Variants in CPPED1 observed in about 807,000 individuals in gnomAD.
The protein encoded by CPPED1 is serine/threonine-protein phosphatase CPPED1.
CPPED1 carries 28 observed loss-of-function variants against 28.0 expected under a neutral mutation model. The ratio of observed to expected loss-of-function variants is 1.00; its 90% CI spans 0.74 to 1.37. CPPED1 has a LOEUF of 1.37. Among genes scored for constraint, CPPED1 ranks in the 40% most tolerant of loss-of-function variants. The probability of loss-of-function intolerance (pLI) is 0.00; values close to 1 mark genes in which losing one functional copy is unlikely to be tolerated. For synonymous variants in CPPED1, 198 were observed against 180.2 expected (o/e 1.10, Z -0.79); for missense variants, 504 against 416.5 (o/e 1.21, Z -1.83).
At chr16:12,676,512 G>A (rs796503677) in intron 3 of CPPED1, among the ~76,000 whole-genome samples, 16 of 152,288 alleles carry the variant, frequency 1.1e-4, no homozygotes, top group African/African-American at 3.1e-4. Context: ...GGAATGAGGC[G>A]AGGACAGGTT....
chr16:12,738,996 A>G (rs188022548), intron 2 of CPPED1, among the ~76,000 whole-genome samples: 170 of 152,302 alleles, frequency 1.1e-3, no homozygotes, highest in Non-Finnish European at 2.1e-3. Flanking sequence ...GGTTAGCACC[A>G]CACGGTGAAG....
chr16:12,763,296 T>G (rs1194080783), intron 2 of CPPED1, among the ~76,000 whole-genome samples: 1 of 151,492 alleles, frequency 6.6e-6, no homozygotes, highest in Non-Finnish European at 1.5e-5. Context: ...ACTCCTGCGT[T>G]CAGGCTATCC....
Position 12,682,626 on chromosome 16 carries a change from G to A in CPPED1, c.716-17511C>T, listed in dbSNP as rs1409440738. 2.0e-5 allele frequency among the ~76,000 whole-genome samples: 3 copies of A among 152,156 alleles called. No homozygotes were observed. The highest frequency in any genetic ancestry group is 2.1e-4 in the South Asian group (1 of 4,826). ...AAGACTAGTATCAACCATCCCCAGGGCCACTGGGAAGATAAGTGAGAATCA... is the reference window on the plus strand; with the variant it reads ...AAGACTAGTATCAACCATCCCCAGGACCACTGGGAAGATAAGTGAGAATCA... On this transcript the variant is annotated intron_variant, in intron 3 of 3. Transcript: ENST00000381774. The surrounding 1 kb of genome is among the most constrained non-coding windows in gnomAD (Gnocchi z 6.1).
chr16:12,770,899 G>C (rs2080466656), intron 2 of CPPED1, among the ~76,000 whole-genome samples: 1 of 151,344 alleles, frequency 6.6e-6, no homozygotes, highest in African/African-American at 2.4e-5. Flanking sequence ...GGGAGGGGCG[G>C]GGCGGGGCTG....
chr16:12,781,140 A>C (rs1226517683), intron 2 of CPPED1, 45 bp downstream of exon 2: 8 of 1,554,302 alleles, frequency 5.1e-6, no homozygotes, highest in Middle Eastern at 1.7e-4. Flanking sequence ...TGCAGTCATG[A>C]CCGGCTGAAG....
At chr16:12,762,924 AT>A (rs1305188846) in intron 2 of CPPED1, among the ~76,000 whole-genome samples, 3 of 151,714 alleles carry the variant, frequency 2.0e-5, no homozygotes, top group Admixed American at 6.6e-5. Context: ...AAAAAAAAAA[AT>A]TTTTGTAGAA....
intron 3 of CPPED1, among the ~76,000 whole-genome samples, chr16:12,666,700 A>G (rs1013508349): frequency 1.8e-4 from 27 of 152,214 alleles, no homozygotes; most frequent in African/African-American, 6.5e-4. Flanking sequence ...GAGATACAAG[A>G]GCTGCCAACA....
rs2049072692 is a variant in CPPED1 at position 12,702,184 on chromosome 16, G to A, written c.715+2440C>T. On this transcript the variant is annotated intron_variant, in intron 3 of 3. Transcript: ENST00000381774. Reference sequence around the variant, plus strand: ...GGGTTGCAGATCTGAGTGGGCAGGGGGCTGGGGCATCATGGATATGATGCC... The same window carrying A: ...GGGTTGCAGATCTGAGTGGGCAGGGAGCTGGGGCATCATGGATATGATGCC... Among the ~76,000 whole-genome samples the A allele has an allele frequency of 2.0e-5, 3 of 152,238 alleles. No individual in the cohort carries two copies. In the South Asian group the frequency reaches 6.2e-4, roughly 32 times the overall value.
rs767007473 is a variant in CPPED1, at chr16:12,781,337, A to G, written c.137T>C (p.Ile46Thr). 6.2e-7 allele frequency: 1 copy of G among 1,614,178 alleles called. No homozygotes were observed. Among genetic ancestry groups the G allele is most frequent in the Non-Finnish European group, 8.5e-7 (1 of 1,180,040 alleles). Residue 46 changes from isoleucine to threonine, a missense_variant, in exon 2 of 4, where the codon ATC (isoleucine) becomes ACC (threonine). Transcript: ENST00000381774. Reference protein sequence around the residue: ...ILGADPQFGLIKAWSTGDCDN... With the variant: ...ILGADPQFGLTKAWSTGDCDN... ...ACAGTCCCCAGTGGACCAGGCCTTGATCAGCCCAAACTGTGGGTCTGCGCC... is the reference window on the plus strand; with the variant it reads ...ACAGTCCCCAGTGGACCAGGCCTTGGTCAGCCCAAACTGTGGGTCTGCGCC...
intron 3 of CPPED1, among the ~76,000 whole-genome samples, chr16:12,669,337 G>A (rs2079842316): frequency 6.6e-6 from 1 of 152,166 alleles, no homozygotes; most frequent in South Asian, 2.1e-4. Flanking sequence ...GGTGGAACGG[G>A]AGAGTGACTG....
At chr16:12,669,213 G>T (rs1006546370) in intron 3 of CPPED1, among the ~76,000 whole-genome samples, 34 of 152,126 alleles carry the variant, frequency 2.2e-4, no homozygotes, top group African/African-American at 8.2e-4. Context: ...TAAGCTAAGT[G>T]AGATAAGCCA....
At chr16:12,770,612 CA>C (rs1392584696) in intron 2 of CPPED1, among the ~76,000 whole-genome samples, 3 of 152,070 alleles carry the variant, frequency 2.0e-5, no homozygotes, top group African/African-American at 7.2e-5. Context: ...CACCTGAGGT[CA>C]GGAGTTTGAG....
rs144908409 is a variant in CPPED1, at chr16:12,758,918, T to G, written c.289+22267A>C. The stretch of plus-strand genomic sequence containing the variant: ...TGGCTCATGCTTGTAATTCCAGCAC[T>G]CTGGGAGGCAGAGGCAGGAGGATCG... On this transcript the variant is annotated intron_variant, in intron 2 of 3. Transcript: ENST00000381774. 9.1e-3 allele frequency among the ~76,000 whole-genome samples: 1,385 copies of G among 151,698 alleles called. 7 individuals carry two copies. The highest frequency in any genetic ancestry group is 0.051 in the Middle Eastern group (15 of 292).
At chr16:12,665,541 C>G (rs922881026) in intron 3 of CPPED1, among the ~76,000 whole-genome samples, 2 of 152,110 alleles carry the variant, frequency 1.3e-5, no homozygotes, top group African/African-American at 4.8e-5. Context: ...CCTGTAATCC[C>G]AGCACTTTGG....
chr16:12,709,842 T>C lies in CPPED1; in HGVS notation c.290-4793A>G, dbSNP rs2080070462. Among the ~76,000 whole-genome samples, 1 of 149,722 alleles carries C rather than the reference T, an allele frequency of 6.7e-6. No individual in the cohort carries two copies. The highest frequency in any genetic ancestry group is 6.7e-5 in the Admixed American group (1 of 14,920). On this transcript the variant is annotated intron_variant, in intron 2 of 3. Transcript: ENST00000381774. This position sits in a 1 kb window ranked among gnomAD's most constrained non-coding sequence, Gnocchi z 4.4. ...TCACTGAACATCATACTAGAAATCC[T>C]AGCCAGTGCAATAGGCAGGCAGGCA...
rs115890248 is a variant in CPPED1, at chr16:12,710,788, C to T, written c.290-5739G>A. 2.8e-3 allele frequency among the ~76,000 whole-genome samples: 429 copies of T among 152,202 alleles called. 2 individuals carry two copies. Among genetic ancestry groups the T allele is most frequent in the African/African-American group, 9.3e-3 (385 of 41,528 alleles). On this transcript the variant is annotated intron_variant, in intron 2 of 3. Coordinates refer to ENST00000381774, the MANE Select transcript of CPPED1 (RefSeq NM_018340.3). ...AATGCAAATCAAAACCACAATGAGACGCCACTTCATACCCATGAGGATAGC... is the reference window on the plus strand; with the variant it reads ...AATGCAAATCAAAACCACAATGAGATGCCACTTCATACCCATGAGGATAGC...
rs368127352 is a variant in CPPED1, at chr16:12,801,079, T to A, written c.70+2628A>T. Among the ~76,000 whole-genome samples the A allele has an allele frequency of 5.9e-5, 9 of 152,230 alleles. No individual in the cohort carries two copies. The East Asian group carries it at 1.4e-3, about 23-fold the overall frequency. On this transcript the variant is annotated intron_variant, in intron 1 of 3. Coordinates refer to ENST00000381774, the MANE Select transcript of CPPED1 (RefSeq NM_018340.3). Reference sequence around the variant, plus strand: ...GTGCAATAGGAATATAAGAAATATTTATTTCCTTTCGGTTTTTTTGTTTGT... The same window carrying A: ...GTGCAATAGGAATATAAGAAATATTAATTTCCTTTCGGTTTTTTTGTTTGT...
intron 3 of CPPED1, among the ~76,000 whole-genome samples, chr16:12,687,748 T>C (rs1362458769): frequency 6.6e-6 from 1 of 152,140 alleles, no homozygotes; most frequent in Non-Finnish European, 1.5e-5. Flanking sequence ...CAGGTCACAA[T>C]ACTCCTGTGT....
At chr16:12,800,943 GC>G (rs2141249122) in intron 1 of CPPED1, among the ~76,000 whole-genome samples, 1 of 152,222 alleles carries the variant, frequency 6.6e-6, no homozygotes, top group South Asian at 2.1e-4. Context: ...CAGTAGCCAA[GC>G]ATTATTTTTT....
Sources: gnomAD v4.1 joint callset for allele counts (sites outside exome capture counted in the v4.1 genomes callset) on GRCh38, gnomAD v4.1.1 for gene constraint, Gnocchi (gnomAD v3.1) non-coding constraint, MANE v1.5 for transcripts, NCBI Gene and HGNC (gene_info 2026-07-23, HGNC 2026-07-21) for gene names.